Variants in GRID2 observed in about 807,000 individuals in gnomAD.
GRID2 encodes the protein glutamate receptor ionotropic, delta-2.
In GRID2, 33 loss-of-function variants were observed where a neutral mutation model predicts 114.8. The ratio of observed to expected loss-of-function variants is 0.29; its 90% CI spans 0.22 to 0.38. The LOEUF (loss-of-function observed/expected upper bound fraction) is 0.38, where lower values mean the gene tolerates loss of function less well. Among genes scored for constraint, GRID2 ranks in the 10% least tolerant of loss-of-function variants. The pLI, the probability that GRID2 is intolerant of heterozygous loss-of-function variation, is 1.00. For synonymous variants in GRID2, 505 were observed against 449.9 expected, an observed-to-expected ratio of 1.12 and a Z score of -1.55; for missense variants, 1,184 against 1,257.7, an observed-to-expected ratio of 0.94 and a Z score of 0.89.
chr4:93,370,422 C>T (rs1021376760), intron 8 of GRID2, among the ~76,000 whole-genome samples: 3 of 150,236 alleles, frequency 2.0e-5, no homozygotes, highest in Non-Finnish European at 3.0e-5. Flanking sequence ...CAAACACACA[C>T]AAACACGCAC....
intron 2 of GRID2, among the ~76,000 whole-genome samples, chr4:92,919,059 T>C (rs1357985590): frequency 6.6e-6 from 1 of 152,220 alleles, no homozygotes; most frequent in Non-Finnish European, 1.5e-5. Flanking sequence ...GAGATTCAAC[T>C]TCTTCCTGGT....
At chr4:92,969,972 T>G (rs1330214886) in intron 2 of GRID2, among the ~76,000 whole-genome samples, 2 of 151,970 alleles carry the variant, frequency 1.3e-5, no homozygotes, top group Non-Finnish European at 1.5e-5. Context: ...AGTCAGATTT[T>G]TTAATTTTGA....
chr4:93,656,468 A>G (rs903298605), intron 14 of GRID2, among the ~76,000 whole-genome samples: 2 of 152,082 alleles, frequency 1.3e-5, no homozygotes, highest in African/African-American at 2.4e-5. Flanking sequence ...GATCTACTAC[A>G]GATGATTATG....
intron 14 of GRID2, among the ~76,000 whole-genome samples, chr4:93,663,968 A>G (rs2149741516): frequency 6.6e-6 from 1 of 152,282 alleles, no homozygotes; most frequent in South Asian, 2.1e-4. Context: ...TAGTGCTACA[A>G]AGGACAATAT....
chr4:92,516,597 G>A (rs972527123), intron 1 of GRID2, among the ~76,000 whole-genome samples: 1 of 151,882 alleles, frequency 6.6e-6, no homozygotes, highest in Non-Finnish European at 1.5e-5. Flanking sequence ...AAAGCAGCAT[G>A]TCTTTGTAGT....
intron 2 of GRID2, among the ~76,000 whole-genome samples, chr4:92,717,875 C>A (rs1389506230): frequency 1.3e-5 from 2 of 152,042 alleles, no homozygotes; most frequent in Non-Finnish European, 2.9e-5. Flanking sequence ...AGCAAAATAT[C>A]CCAATGTTTC....
intron 13 of GRID2, among the ~76,000 whole-genome samples, chr4:93,625,153 G>A (rs960269385): frequency 2.6e-5 from 4 of 152,160 alleles, no homozygotes; most frequent in African/African-American, 9.7e-5. Context: ...GGGATCACAT[G>A]CAAGATGATA....
chr4:92,949,081 A>T (rs1320163702), intron 2 of GRID2, among the ~76,000 whole-genome samples: 2 of 151,720 alleles, frequency 1.3e-5, no homozygotes, highest in African/African-American at 4.8e-5. Flanking sequence ...ATACAAGAAG[A>T]CAACCAAAAA....
chr4:93,404,564 C>T (rs2149343077), intron 9 of GRID2, among the ~76,000 whole-genome samples: 1 of 152,176 alleles, frequency 6.6e-6, no homozygotes, highest in Non-Finnish European at 1.5e-5. Context: ...CCTCATAAAG[C>T]TGTTATAAAA....
intron 14 of GRID2, among the ~76,000 whole-genome samples, chr4:93,710,076 T>C (rs1198045495): frequency 6.6e-6 from 1 of 152,156 alleles, no homozygotes; most frequent in Non-Finnish European, 1.5e-5. Context: ...ACTGGTGCCT[T>C]TTAGTCTGTT....
intron 1 of GRID2, among the ~76,000 whole-genome samples, chr4:92,324,592 T>G (rs558252276): frequency 2.4e-5 from 3 of 127,414 alleles, no homozygotes; most frequent in East Asian, 2.9e-4. Flanking sequence ...CATACATACA[T>G]ACAGACACAC....
intron 1 of GRID2, among the ~76,000 whole-genome samples, chr4:92,585,610 A>G (rs917785278): frequency 1.3e-5 from 2 of 151,986 alleles, no homozygotes; most frequent in African/African-American, 2.4e-5. Context: ...TAGAATATGT[A>G]TATCTTCCAA....
chr4:92,639,807 ACT>A (rs1731256976), intron 2 of GRID2, among the ~76,000 whole-genome samples: 1 of 151,892 alleles, frequency 6.6e-6, no homozygotes, highest in South Asian at 2.1e-4. Context: ...ATAAAATATC[ACT>A]CTAACAAAAT....
chr4:92,642,619 G>C (rs1318330889), intron 2 of GRID2, among the ~76,000 whole-genome samples: 1 of 151,276 alleles, frequency 6.6e-6, no homozygotes, highest in Non-Finnish European at 1.5e-5. Flanking sequence ...TGTTGTTGTT[G>C]TTTTTGTTGT....
In GRID2 at chr4:93,317,089, A is replaced by AT. The variant is rs558416919; in HGVS notation, c.1246-78512dup. ...TTGAGATTCTAATTTTTGATGTAAT[A>AT]TTTTTTAATTACCGAATGTGGGCTT... On this transcript the variant is annotated intron_variant, in intron 8 of 15. Coordinates refer to ENST00000282020, the MANE Select transcript of GRID2 (RefSeq NM_001510.4). Among the ~76,000 whole-genome samples the AT allele has an allele frequency of 2.0e-4, 31 of 152,104 alleles. No individual in the cohort carries two copies. The East Asian group carries it at 6.0e-3, about 29-fold the overall frequency.
intron 14 of GRID2, among the ~76,000 whole-genome samples, chr4:93,664,213 G>A (rs1723755043): frequency 1.3e-5 from 2 of 152,186 alleles, no homozygotes; most frequent in South Asian, 4.1e-4. Context: ...GAGCAGAGAG[G>A]GAGGGTCACA....
chr4:92,357,973 G>A (rs1214219417), intron 1 of GRID2, among the ~76,000 whole-genome samples: 2 of 151,904 alleles, frequency 1.3e-5, no homozygotes, highest in African/African-American at 2.4e-5. Flanking sequence ...AAAATCTGAT[G>A]TGATTAGAAA....
chr4:93,083,426 G>T (rs1207466140), intron 2 of GRID2, among the ~76,000 whole-genome samples: 2 of 151,954 alleles, frequency 1.3e-5, no homozygotes, highest in African/African-American at 2.4e-5. Flanking sequence ...CAGGCACGGT[G>T]GCTCACACCT....
intron 2 of GRID2, among the ~76,000 whole-genome samples, chr4:93,038,781 A>G (rs1725192200): frequency 6.6e-6 from 1 of 150,846 alleles, no homozygotes; most frequent in Non-Finnish European, 1.5e-5. Context: ...ACAGAGTGAG[A>G]CTCTGTCTCA....
Sources: gnomAD v4.1 joint callset for allele counts (sites outside exome capture counted in the v4.1 genomes callset) on GRCh38, gnomAD v4.1.1 for gene constraint, MANE v1.5 for transcripts, NCBI Gene and HGNC (gene_info 2026-07-23, HGNC 2026-07-21) for gene names.